Variants in MEIOC observed in about 807,000 individuals in gnomAD.
MEIOC encodes meiosis specific with coiled-coil domain.
Under a neutral mutation model 85.3 loss-of-function variants are expected in MEIOC, and 9 were observed. The observed-to-expected ratio is 0.11, with a 90% confidence interval of 0.06 to 0.18. MEIOC has a LOEUF of 0.18. MEIOC is among the 10% of genes least tolerant of loss of function. The probability of loss-of-function intolerance (pLI) is 1.00; values close to 1 mark genes in which losing one functional copy is unlikely to be tolerated. For synonymous variants in MEIOC, 365 were observed against 393.7 expected, an observed-to-expected ratio of 0.93 and a Z score of 0.86; for missense variants, 898 against 1,129.4, an observed-to-expected ratio of 0.80 and a Z score of 2.94.
chr17:44,673,696 A>G, intron 7 of MEIOC, 150 bp downstream of exon 7: 1 of 779,008 alleles, frequency 1.3e-6, no homozygotes, highest in South Asian at 2.0e-5. Flanking sequence ...TATTTACTCC[A>G]AAAGTATTTC....
In MEIOC at chr17:44,674,622, G is replaced by A; in HGVS notation, c.*426G>A. 1 of 988,900 alleles carries A rather than the reference G, an allele frequency of 1.0e-6. No homozygotes were observed. Among genetic ancestry groups the A allele is most frequent in the Non-Finnish European group, 1.2e-6 (1 of 831,838 alleles). 61.3% of individuals were successfully genotyped at this position (988,900 alleles called of 1,614,324 possible). ...ATTACGGCTACAGCCTAGTAACCAA[G>A]ACAAGTTTTGATTGTGATATCAAAG... On this transcript the variant is annotated 3_prime_UTR_variant, in exon 8 of 8. Coordinates refer to ENST00000409122, the MANE Select transcript of MEIOC (RefSeq NM_001145080.3).
chr17:44,673,473 A>G lies in MEIOC; in HGVS notation c.2565A>G (p.Ser855=), dbSNP rs1259498176. ...RHLESIHIVQ[S]RRKDEIVNAS... is the part of the protein sequence containing the mutation. ...TGGAGTCTATTCACATTGTACAGTC[A>G]CGTAGAAAGGATGAAATTGTTAATG... The change falls in exon 7 of 8, where the codon TCA becomes TCG. Residue 855 remains serine (S), a synonymous_variant. Transcript: ENST00000409122. 15 of 1,551,610 alleles carry G rather than the reference A, an allele frequency of 9.7e-6. No homozygotes were observed. Among genetic ancestry groups the G allele is most frequent in the Non-Finnish European group, 1.1e-5 (13 of 1,146,992 alleles).
chr17:44,675,263 A>G lies in MEIOC; in HGVS notation c.*1067A>G. 1.0e-6 allele frequency: 1 copy of G among 983,846 alleles called. No homozygotes were observed. Among genetic ancestry groups the G allele is most frequent in the Non-Finnish European group, 1.2e-6 (1 of 828,570 alleles). The allele number at this position is 983,846 out of a possible 1,614,324, so 60.9% of individuals were successfully genotyped here. A position where few individuals can be genotyped will look rare whatever the true frequency, so the allele number is the denominator to read the frequency against. ...GTTGTGTTCATTAGTTTGCTTCTGT[A>G]TTTTTTTAAAACTATTGAAAGCTTA... is the stretch of plus-strand genomic sequence containing the variant. On this transcript the variant is annotated 3_prime_UTR_variant, in exon 8 of 8. Transcript: ENST00000409122.
chr17:44,666,358 T>TA lies in MEIOC; in HGVS notation c.465-17dup. 2 of 1,506,446 alleles carry TA rather than the reference T, an allele frequency of 1.3e-6. No homozygotes were observed. The highest frequency in any genetic ancestry group is 1.8e-6 in the Non-Finnish European group (2 of 1,127,768). 93.3% of individuals were successfully genotyped at this position (1,506,446 alleles called of 1,614,324 possible). On this transcript the variant is annotated splice_polypyrimidine_tract_variant and intron_variant, in intron 4 of 7. Transcript: ENST00000409122. ...CTTTAAAACCTAAGTTGTAATTAAA[T>TA]ATATTTATTTGTTCTAGGACCTGCT...
At position 44,666,624 on chromosome 17, in the gene MEIOC, A is replaced by G. The variant is rs1297206933; in HGVS notation, c.713A>G (p.Tyr238Cys). 6.2e-7 allele frequency: 1 copy of G among 1,611,056 alleles called. No homozygotes were observed. Among genetic ancestry groups the G allele is most frequent in the Non-Finnish European group, 8.5e-7 (1 of 1,178,444 alleles). The change falls in exon 5 of 8, where the codon TAC becomes TGC. Residue 238 changes from tyrosine to cysteine, a missense_variant. Transcript: ENST00000409122. The part of the protein sequence containing the change: ...TGLDLEEQWM[Y>C]PSRSDHSNCH... ...TTAGATCTTGAAGAACAATGGATGT[A>G]CCCCTCACGAAGTGATCATTCTAAC...
chr17:44,671,744 A>T (rs1172091398), intron 6 of MEIOC, among the ~76,000 whole-genome samples: 7 of 150,382 alleles, frequency 4.7e-5, no homozygotes, highest in Non-Finnish European at 1.0e-4. Flanking sequence ...GTCTCTACTA[A>T]AAATATAAAA....
At chr17:44,675,961 C>A, downstream of MEIOC, 2 of 179,530 alleles carry the variant, frequency 1.1e-5, no homozygotes, top group Non-Finnish European at 2.1e-5. Flanking sequence ...ATTCAGATAT[C>A]CATGGATCTA....
rs146753311 is a variant in MEIOC, at chr17:44,667,946, T to G, written c.2035T>G (p.Cys679Gly). The G allele has an allele frequency of 1.2e-4, 188 of 1,613,906 alleles. No homozygotes were observed. The African/African-American group carries it at 2.1e-3, about 18-fold the overall frequency. The change falls in exon 5 of 8, where the codon TGT becomes GGT. Residue 679 changes from cysteine (C) to glycine (G), a missense_variant. By Grantham distance (159) the Cys-to-Gly change is radical. Coordinates refer to ENST00000409122, the MANE Select transcript of MEIOC (RefSeq NM_001145080.3). ...YMMGDLRHNQCFQQLGSNGFP... is the reference protein window; with the variant it reads ...YMMGDLRHNQGFQQLGSNGFP... ...GATGGGAGATTTAAGGCATAATCAG[T>G]GTTTTCAACAACTTGGTTCAAATGG...
downstream of MEIOC, chr17:44,677,081 A>G: frequency 2.5e-6 from 1 of 408,162 alleles, no homozygotes; most frequent in Non-Finnish European, 3.3e-6. Context: ...AGTGACAAAA[A>G]TCAAGGTGAG....
In MEIOC at chr17:44,667,958, C is replaced by G. The variant is rs751410737; in HGVS notation, c.2047C>G (p.Leu683Val). ...DLRHNQCFQQ[L>V]GSNGFPLRST... ...AAGGCATAATCAGTGTTTTCAACAA[C>G]TTGGTTCAAATGGGTTTCCCCTAAG... is the stretch of plus-strand genomic sequence containing the variant. The change falls in exon 5 of 8, where the codon CTT (leucine) becomes GTT (valine). Residue 683 changes from leucine (L) to valine (V), a missense_variant. Around this residue, in one of 2 missense-constraint regions of MEIOC, gnomAD observed 734 missense variants for 860.1 expected, o/e 0.85. Coordinates refer to ENST00000409122, the MANE Select transcript of MEIOC (RefSeq NM_001145080.3). The G allele has an allele frequency of 6.2e-7, 1 of 1,613,862 alleles. No homozygotes were observed. Among genetic ancestry groups the G allele is most frequent in the South Asian group, 1.1e-5 (1 of 91,044 alleles).
chr17:44,663,238 A>T (rs1225294843), intron 3 of MEIOC, among the ~76,000 whole-genome samples: 1 of 151,866 alleles, frequency 6.6e-6, no homozygotes, highest in African/African-American at 2.4e-5. Context: ...GAATTTAAAC[A>T]TGGCAAATAT....
intron 6 of MEIOC, among the ~76,000 whole-genome samples, chr17:44,672,072 G>C (rs752376843): frequency 5.9e-4 from 90 of 151,906 alleles, no homozygotes; most frequent in African/African-American, 2.0e-3. Context: ...CCTCTGCCTC[G>C]CGGGTTCAAG....
chr17:44,659,173 A>T (rs1971812401), intron 2 of MEIOC, among the ~76,000 whole-genome samples: 1 of 152,358 alleles, frequency 6.6e-6, no homozygotes, highest in South Asian at 2.1e-4. Context: ...ACTTTGAATT[A>T]TAACAATATC....
In MEIOC at chr17:44,656,551, C is replaced by A. The variant is rs1335753233; in HGVS notation, c.-63C>A. 6 of 1,273,034 alleles carry A rather than the reference C, an allele frequency of 4.7e-6. No homozygotes were observed. Among genetic ancestry groups the A allele is most frequent in the Non-Finnish European group, 6.1e-6 (6 of 976,118 alleles). 78.9% of individuals were successfully genotyped at this position (1,273,034 alleles called of 1,614,324 possible). On this transcript the variant is annotated 5_prime_UTR_variant, in exon 1 of 8. Coordinates refer to ENST00000409122, the MANE Select transcript of MEIOC (RefSeq NM_001145080.3). ...GGCTGAGGGAGCCGGGCCTGGACGC[C>A]CCCCCCATCACCCCCGTACCCCAGG...
At chr17:44,668,435 G>A (rs995124119) in intron 5 of MEIOC, among the ~76,000 whole-genome samples, 4 of 152,248 alleles carry the variant, frequency 2.6e-5, no homozygotes, top group East Asian at 3.9e-4. Context: ...AAACTCCTGG[G>A]CTCAAGCAAT....
intron 1 of MEIOC, among the ~76,000 whole-genome samples, 162 bp downstream of exon 1, chr17:44,656,844 T>G (rs1174297809): frequency 7.3e-6 from 1 of 137,362 alleles, no homozygotes; most frequent in Non-Finnish European, 1.5e-5. Flanking sequence ...CGGCGCGGGC[T>G]GACTGGACGG....
Position 44,669,372 on chromosome 17 carries a change from A to AT in MEIOC, c.2323-5dup, listed in dbSNP as rs941580663. On this transcript the variant is annotated splice_polypyrimidine_tract_variant and intron_variant, in intron 5 of 7. Transcript: ENST00000409122. Reference sequence around the variant, plus strand: ...AAATTCTACATCTAAAAAGTATGTAATTTTTTACAGACTGAATTAGCCCTT... The same window carrying AT: ...AAATTCTACATCTAAAAAGTATGTAATTTTTTTACAGACTGAATTAGCCCTT... 1.9e-6 allele frequency: 3 copies of AT among 1,553,624 alleles called. No individual in the cohort carries two copies. The highest frequency in any genetic ancestry group is 2.7e-5 in the African/African-American group (2 of 73,038).
intron 2 of MEIOC, among the ~76,000 whole-genome samples, chr17:44,660,525 C>T (rs548549980): frequency 6.6e-6 from 1 of 152,270 alleles, no homozygotes; most frequent in East Asian, 1.9e-4. Flanking sequence ...GTGTGAGCCA[C>T]TGCGCCCGGC....
At chr17:44,662,996 A>G (rs557277957) in intron 3 of MEIOC, among the ~76,000 whole-genome samples, 23 of 152,322 alleles carry the variant, frequency 1.5e-4, no homozygotes, top group Admixed American at 1.4e-3. Context: ...CATTAGTGGG[A>G]ACATTTAGTG....
Sources: gnomAD v4.1 joint callset for allele counts (sites outside exome capture counted in the v4.1 genomes callset) on GRCh38, gnomAD v4.1.1 for gene constraint, gnomAD v4.1.1 regional missense constraint, MANE v1.5 for transcripts, NCBI Gene and HGNC (gene_info 2026-07-23, HGNC 2026-07-21) for gene names.